The following AGBL1 variants were observed in gnomAD, a reference collection of about 807,000 sequenced individuals.
The protein encoded by AGBL1 is AGBL carboxypeptidase 1.
A neutral mutation model predicts 118.9 loss-of-function variants in AGBL1; 130 were observed. The observed-to-expected ratio is 1.09, with a 90% CI of 0.95 to 1.26. AGBL1 has a LOEUF of 1.26. Ranked by LOEUF, AGBL1 falls within the 50% of genes most tolerant of loss-of-function variation. AGBL1 has a pLI of 0.00. For synonymous variants in AGBL1, 555 were observed against 478.9 expected (o/e 1.16, Z -2.08); for missense variants, 1,584 against 1,298.1 (o/e 1.22, Z -3.38).
intron 22 of AGBL1, among the ~76,000 whole-genome samples, chr15:86,847,776 A>T (rs1360867065): frequency 6.6e-6 from 1 of 152,258 alleles, no homozygotes; most frequent in Middle Eastern, 3.4e-3. Context: ...TGATGTGTGG[A>T]TAACTTAGAT....
chr15:86,297,331 G>A (rs185655107), intron 17 of AGBL1, among the ~76,000 whole-genome samples: 1 of 152,286 alleles, frequency 6.6e-6, no homozygotes, highest in African/African-American at 2.4e-5. Flanking sequence ...GAGGAAACCA[G>A]GCTTTGACCT....
Position 86,102,667 on chromosome 15 carries a change from G to C in AGBL1, c.51+22644G>C, listed in dbSNP as rs142060228. ...GAAATTCCCTGTTAGTCTAATAGAG[G>C]TTCCCTCATAAGTGACTAGACACTT... On this transcript the variant is annotated intron_variant, in intron 1 of 22. Transcript: ENST00000614907. Among the ~76,000 whole-genome samples, 514 of 152,282 alleles carry C rather than the reference G, an allele frequency of 3.4e-3. 16 individuals are homozygous for C. In the South Asian group the frequency reaches 0.066, roughly 20 times the overall value.
At chr15:86,773,418 C>T (rs62031436) in intron 22 of AGBL1, among the ~76,000 whole-genome samples, 48,828 of 151,190 alleles carry the variant, frequency 0.32, 8,155 homozygotes, top group East Asian at 0.45. Flanking sequence ...TCAATACATA[C>T]GTATACATGT....
intron 22 of AGBL1, among the ~76,000 whole-genome samples, chr15:86,775,633 A>G (rs528511436): frequency 1.4e-4 from 22 of 152,114 alleles, no homozygotes; most frequent in Non-Finnish European, 3.1e-4. Context: ...AAGATTCAAA[A>G]GTCTATTTAA....
chr15:86,828,941 T>TATATATATAC (rs1338556427), intron 22 of AGBL1, among the ~76,000 whole-genome samples: 4 of 133,944 alleles, frequency 3.0e-5, no homozygotes, highest in Non-Finnish European at 6.5e-5. Context: ...TATATATATA[T>TATATATATAC]ACTGTGTATT....
intron 22 of AGBL1, among the ~76,000 whole-genome samples, chr15:86,709,510 T>C (rs2086515818): frequency 6.6e-6 from 1 of 152,192 alleles, no homozygotes; most frequent in Non-Finnish European, 1.5e-5. Flanking sequence ...GCTCGAAATA[T>C]ATTTTCCTTT....
chr15:86,301,647 TG>T, intron 17 of AGBL1, among the ~76,000 whole-genome samples: 1 of 11,662 alleles, frequency 8.6e-5, no homozygotes, highest in Non-Finnish European at 2.0e-4. Flanking sequence ...ACAGGGTGTG[TG>T]TGTGTGTGTG....
chr15:86,430,200 T>C (rs1317635306), intron 18 of AGBL1, among the ~76,000 whole-genome samples: 2 of 152,134 alleles, frequency 1.3e-5, no homozygotes, highest in Non-Finnish European at 2.9e-5. Flanking sequence ...AATTCAGTGA[T>C]TAAAGATATA....
intron 22 of AGBL1, among the ~76,000 whole-genome samples, chr15:86,733,258 G>C (rs2077550801): frequency 1.3e-5 from 2 of 152,016 alleles, no homozygotes; most frequent in South Asian, 4.2e-4. Context: ...GCTTGCTCCT[G>C]CACAGAATCT....
At chr15:86,776,884 G>T (rs7176712) in intron 22 of AGBL1, among the ~76,000 whole-genome samples, 15,530 of 150,782 alleles carry the variant, frequency 0.1, 869 homozygotes, top group Admixed American at 0.13. Context: ...TTTTTTGCTA[G>T]TTTTACTTAA....
chr15:86,510,847 G>A (rs2083045059), intron 18 of AGBL1, among the ~76,000 whole-genome samples: 1 of 152,060 alleles, frequency 6.6e-6, no homozygotes, highest in Non-Finnish European at 1.5e-5. Context: ...AGTAGAATGG[G>A]GAGTTGACTT....
chr15:86,813,272 C>A (rs1294921897), intron 22 of AGBL1, among the ~76,000 whole-genome samples: 1 of 152,070 alleles, frequency 6.6e-6, no homozygotes, highest in Non-Finnish European at 1.5e-5. Flanking sequence ...GAGTGCAATG[C>A]TATGGAGCTC....
At chr15:86,502,238 T>A (rs1332343890) in intron 18 of AGBL1, among the ~76,000 whole-genome samples, 1 of 151,570 alleles carries the variant, frequency 6.6e-6, no homozygotes, top group Non-Finnish European at 1.5e-5. Flanking sequence ...TATTTTTAGA[T>A]TGTTCATTGC....
At chr15:86,625,377 T>TG (rs2084869934) in intron 21 of AGBL1, among the ~76,000 whole-genome samples, 2 of 38,288 alleles carry the variant, frequency 5.2e-5, no homozygotes, top group African/African-American at 2.8e-4. Flanking sequence ...TTTTTTTTTT[T>TG]TGTTTTTGTT....
intron 18 of AGBL1, among the ~76,000 whole-genome samples, chr15:86,403,606 G>A (rs968028834): frequency 5.3e-5 from 8 of 152,102 alleles, no homozygotes; most frequent in Admixed American, 3.3e-4. Flanking sequence ...CCTTTTATGG[G>A]CCAAGAAAGA....
chr15:86,572,743 C>A (rs1017170329), intron 21 of AGBL1, among the ~76,000 whole-genome samples: 3 of 152,228 alleles, frequency 2.0e-5, no homozygotes, highest in Admixed American at 1.3e-4. Context: ...CAGCTGCCAC[C>A]GCCTGCGCTT....
intron 6 of AGBL1, among the ~76,000 whole-genome samples, chr15:86,233,771 C>T (rs1295481476): frequency 6.6e-6 from 1 of 152,186 alleles, no homozygotes; most frequent in Non-Finnish European, 1.5e-5. Flanking sequence ...TCCTCCAGCC[C>T]TAGTCAAGTA....
chr15:86,899,620 T>TA (rs1351138086), intron 22 of AGBL1, among the ~76,000 whole-genome samples: 4 of 152,158 alleles, frequency 2.6e-5, no homozygotes, highest in Admixed American at 1.3e-4. Flanking sequence ...TATATATATT[T>TA]ATTGGGTATA....
intron 6 of AGBL1, among the ~76,000 whole-genome samples, chr15:86,226,877 G>C (rs1413123013): frequency 6.6e-6 from 1 of 152,164 alleles, no homozygotes; most frequent in Non-Finnish European, 1.5e-5. Context: ...TGATTACATT[G>C]TGATGAAATT....
Sources: allele counts gnomAD v4.1 joint callset (sites outside exome capture counted in the v4.1 genomes callset), GRCh38; gene constraint gnomAD v4.1.1; transcripts MANE v1.5; gene names NCBI Gene and HGNC (gene_info 2026-07-23, HGNC 2026-07-21).